LRP1B: variants seen among roughly 807,000 people sequenced by gnomAD.
The protein encoded by LRP1B is LDL receptor related protein 1B, also known as low-density lipoprotein receptor-related protein 1B.
In LRP1B, 217 loss-of-function variants were observed where a neutral mutation model predicts 556.6. The ratio of observed to expected loss-of-function variants is 0.39; its 90% CI spans 0.35 to 0.44. LRP1B has a LOEUF of 0.44. Ranked by LOEUF, LRP1B falls within the 20% of genes least tolerant of loss-of-function variation. The pLI is 1.00. For missense variants in LRP1B, 5,053 were observed against 5,620.8 expected (o/e 0.90, Z 3.23); for synonymous variants, 2,047 against 1,865.8 (o/e 1.10, Z -2.50).
intron 2 of LRP1B, among the ~76,000 whole-genome samples, chr2:141,721,192 T>C (rs1170070663): frequency 6.6e-6 from 1 of 152,186 alleles, no homozygotes; most frequent in African/African-American, 2.4e-5. Flanking sequence ...CTTGTTGATG[T>C]TTTCTATATC....
chr2:141,071,499 G>A (rs1409292778), intron 7 of LRP1B, among the ~76,000 whole-genome samples: 4 of 152,146 alleles, frequency 2.6e-5, no homozygotes, highest in African/African-American at 9.7e-5. Context: ...GGAAGTTCTG[G>A]CCAGGGCAAT....
At chr2:140,746,871 A>C (rs906316510) in intron 35 of LRP1B, among the ~76,000 whole-genome samples, 8 of 152,132 alleles carry the variant, frequency 5.3e-5, no homozygotes, top group African/African-American at 1.9e-4. Context: ...ATATGGTACC[A>C]AGAAGGAAAA....
chr2:140,379,135 C>G (rs2105185000), intron 67 of LRP1B, among the ~76,000 whole-genome samples: 1 of 152,264 alleles, frequency 6.6e-6, no homozygotes, highest in East Asian at 1.9e-4. Context: ...GGACTGATAT[C>G]TTACATGATG....
chr2:141,544,420 CCTT>C (rs1685478463), intron 2 of LRP1B, among the ~76,000 whole-genome samples: 19 of 140,936 alleles, frequency 1.3e-4, no homozygotes, highest in Admixed American at 2.9e-4. Context: ...TCCTTCTCCT[CCTT>C]CTCCTCCTTC....
intron 7 of LRP1B, among the ~76,000 whole-genome samples, chr2:141,120,922 C>T (rs1701031580): frequency 6.6e-6 from 1 of 151,966 alleles, no homozygotes; most frequent in South Asian, 2.1e-4. Context: ...TTGCACACTG[C>T]AACTCTGCCC....
chr2:140,682,319 A>C (rs1685886969), intron 41 of LRP1B, among the ~76,000 whole-genome samples: 1 of 152,118 alleles, frequency 6.6e-6, no homozygotes, highest in Admixed American at 6.5e-5. Flanking sequence ...TGCTGCTAAG[A>C]TTTTCTCTCC....
Position 140,325,881 on chromosome 2 carries a change from G to A in LRP1B, c.12224-3C>T, listed in dbSNP as rs1256020552. 6 of 1,576,374 alleles carry A rather than the reference G, an allele frequency of 3.8e-6. No individual in the cohort carries two copies. The African/African-American group carries it at 6.8e-5, about 18-fold the overall frequency. ...ACTAAAATAATCCACAGCCAAACCT[G>A]CAAAATCAACACACACAAGACAAAT... On this transcript the variant is annotated splice_polypyrimidine_tract_variant and splice_region_variant and intron_variant, in intron 79 of 90. Coordinates refer to ENST00000389484, the MANE Select transcript of LRP1B (RefSeq NM_018557.3).
In LRP1B at chr2:140,420,270, C is replaced by A. The variant is rs371146942; in HGVS notation, c.10414+22234G>T. On this transcript the variant is annotated intron_variant, in intron 66 of 90. Coordinates refer to ENST00000389484, the MANE Select transcript of LRP1B (RefSeq NM_018557.3). ...CAGATTCTTTACTAAAGTAGATGTG[C>A]AAATAGCAAATAAGCCCACAAAATG... Among the ~76,000 whole-genome samples the A allele has an allele frequency of 5.3e-5, 8 of 151,918 alleles. 1 individual carries two copies. Among genetic ancestry groups the A allele is most frequent in the African/African-American group, 1.9e-4 (8 of 41,462 alleles).
intron 2 of LRP1B, among the ~76,000 whole-genome samples, chr2:141,575,860 G>T (rs1298209332): frequency 6.6e-6 from 1 of 151,904 alleles, no homozygotes; most frequent in Non-Finnish European, 1.5e-5. Flanking sequence ...CAACATCACT[G>T]ATCATTAGAG....
intron 7 of LRP1B, among the ~76,000 whole-genome samples, chr2:141,178,116 C>T (rs1680819368): frequency 1.3e-5 from 2 of 152,070 alleles, no homozygotes; most frequent in South Asian, 4.1e-4. Context: ...TTTGTCTCTT[C>T]ATATCTTAAA....
At chr2:140,642,160 A>G (rs1178030990) in intron 41 of LRP1B, among the ~76,000 whole-genome samples, 8 of 152,208 alleles carry the variant, frequency 5.3e-5, no homozygotes, top group African/African-American at 1.4e-4. Context: ...CTTCTTTCCC[A>G]TTTGTTGTCA....
At chr2:140,863,587 C>G (rs1425716656) in intron 27 of LRP1B, among the ~76,000 whole-genome samples, 1 of 152,098 alleles carries the variant, frequency 6.6e-6, no homozygotes, top group Non-Finnish European at 1.5e-5. Flanking sequence ...CCTGCCCAAT[C>G]TTGTCTCTGA....
intron 86 of LRP1B, among the ~76,000 whole-genome samples, chr2:140,259,042 A>G (rs1456090534): frequency 6.6e-6 from 1 of 152,140 alleles, no homozygotes; most frequent in Non-Finnish European, 1.5e-5. Flanking sequence ...TATAGAATGA[A>G]TTTCAAACTC....
chr2:141,212,783 G>A (rs1682622952), intron 6 of LRP1B, among the ~76,000 whole-genome samples: 1 of 152,014 alleles, frequency 6.6e-6, no homozygotes, highest in African/African-American at 2.4e-5. Flanking sequence ...AAATGGTGTA[G>A]TACAGGAAGT....
Position 140,851,681 on chromosome 2 carries a change from T to C in LRP1B, c.4682A>G (p.Lys1561Arg). The C allele has an allele frequency of 6.2e-7, 1 of 1,611,066 alleles. No homozygotes were observed. The highest frequency in any genetic ancestry group is 1.1e-5 in the South Asian group (1 of 90,318). The change falls in exon 28 of 91, where the codon AAG (lysine) becomes AGG (arginine). Residue 1561 changes from lysine to arginine, a missense_variant. Physicochemically the swap from Lys to Arg is conservative, Grantham distance 26. Around this residue, in one of 5 missense-constraint regions of LRP1B, gnomAD observed 3,619 missense variants for 3,931.9 expected, o/e 0.92. Transcript: ENST00000389484. ...SAACACPHLMKLSSDKKTCYE... is the reference protein window; with the variant it reads ...SAACACPHLMRLSSDKKTCYE... ...GCAGGTCTTCTTGTCTGAAGAAAGC[T>C]TCATCAAGTGGGGGCACGCACAGGC...
chr2:141,688,728 T>A (rs940710851), intron 2 of LRP1B, among the ~76,000 whole-genome samples: 2 of 151,830 alleles, frequency 1.3e-5, no homozygotes, highest in Admixed American at 1.3e-4. Context: ...CTTTAAGATA[T>A]CTGCCTTTCT....
rs2105134739 is a variant in LRP1B, at chr2:140,357,995, C to G, written c.11379G>C (p.Glu3793Asp). The G allele has an allele frequency of 6.2e-7, 1 of 1,610,228 alleles. No individual in the cohort carries two copies. The highest frequency in any genetic ancestry group is 8.5e-7 in the Non-Finnish European group (1 of 1,177,430). Residue 3793 changes from glutamate (E) to aspartate (D), a missense_variant, in exon 74 of 91, where the codon GAG (glutamate) becomes GAC (aspartate). Around this residue, in one of 5 missense-constraint regions of LRP1B, gnomAD observed 599 missense variants for 648.4 expected, o/e 0.92. Coordinates refer to ENST00000389484, the MANE Select transcript of LRP1B (RefSeq NM_018557.3). ...RLDDCGDGSDEQGCRIAPTEY... is the reference protein window; with the variant it reads ...RLDDCGDGSDDQGCRIAPTEY... ...CAAGCTCACCTATTCTGCATCCTTG[C>G]TCATCTGAACCATCTCCGCAGTCAT...
chr2:141,250,083 AT>A (rs1350986969), intron 4 of LRP1B, among the ~76,000 whole-genome samples: 1 of 152,230 alleles, frequency 6.6e-6, no homozygotes, highest in Non-Finnish European at 1.5e-5. Flanking sequence ...AAGCTGTGGT[AT>A]TAAGTGGGTT....
At chr2:140,237,808 T>C (rs941959168) in intron 89 of LRP1B, among the ~76,000 whole-genome samples, 1 of 150,858 alleles carries the variant, frequency 6.6e-6, no homozygotes, top group African/African-American at 2.4e-5. Context: ...CAATTTGCTG[T>C]GTGATATCAA....
Sources: gnomAD v4.1 joint callset for allele counts (sites outside exome capture counted in the v4.1 genomes callset) on GRCh38, gnomAD v4.1.1 for gene constraint, gnomAD v4.1.1 regional missense constraint, MANE v1.5 for transcripts, NCBI Gene and HGNC (gene_info 2026-07-23, HGNC 2026-07-21) for gene names.